DHX8: variants seen among roughly 807,000 people sequenced by gnomAD.
DHX8 encodes the protein ATP-dependent RNA helicase DHX8.
DHX8 carries 67 observed loss-of-function variants against 140.7 expected under a neutral mutation model. The observed-to-expected ratio is 0.48, with a 90% CI of 0.39 to 0.58. DHX8 has a LOEUF of 0.58. Ranked by LOEUF, DHX8 falls within the 20% of genes least tolerant of loss-of-function variation. DHX8 has a pLI of 0.00. For missense variants in DHX8, 887 were observed against 1,550.7 expected (o/e 0.57, Z 7.19); for synonymous variants, 533 against 553.2 (o/e 0.96, Z 0.51).
chr17:43,532,160 G>C (rs1161962214), intron 2 of DHX8, among the ~76,000 whole-genome samples: 2 of 152,180 alleles, frequency 1.3e-5, no homozygotes, highest in African/African-American at 4.8e-5. Context: ...CCATGCCCCG[G>C]GGGCCCCCCT....
chr17:43,511,315 CA>C (rs1234162347), intron 16 of DHX8, among the ~76,000 whole-genome samples: 2 of 151,928 alleles, frequency 1.3e-5, no homozygotes, highest in Non-Finnish European at 2.9e-5. Context: ...GGGCAATGAG[CA>C]AAACTATCTC....
At chr17:43,518,060 T>C (rs1385920250) in intron 18 of DHX8, 1 of 152,216 alleles carries the variant, frequency 6.6e-6, no homozygotes, top group Non-Finnish European at 1.5e-5. Flanking sequence ...ACTGCGACTT[T>C]GGGCAAGTTT....
At position 43,496,269 on chromosome 17, in the gene DHX8, G is replaced by T. The variant is rs1470273774; in HGVS notation, c.1300+1G>T. ...CTCCCTAAGGTGGATGATGAAGAAGGTAACTAGTCAGTTGGATCGAGAAGG... is the reference window on the plus strand; with the variant it reads ...CTCCCTAAGGTGGATGATGAAGAAGTTAACTAGTCAGTTGGATCGAGAAGG... On this transcript the variant is annotated splice_donor_variant, in intron 9 of 22. Transcript: ENST00000262415. LOFTEE classifies it high-confidence loss of function. 1 of 1,609,596 alleles carries T rather than the reference G, an allele frequency of 6.2e-7. No individual in the cohort carries two copies. Among genetic ancestry groups the T allele is most frequent in the Non-Finnish European group, 8.5e-7 (1 of 1,176,720 alleles).
rs571246855 is a variant in DHX8 at position 43,535,523 on chromosome 17, C to T, written c.351-889C>T. On this transcript the variant is annotated intron_variant, in intron 2 of 3. Transcript: ENST00000589898. ...AACTCCTGACCTCATGTGATCCACG[C>T]GCCTCAGCCTCCCAAAGTGCTGGGA... is the stretch of plus-strand genomic sequence containing the variant. Among the ~76,000 whole-genome samples the T allele has an allele frequency of 5.9e-5, 9 of 152,218 alleles. No homozygotes were observed. In the East Asian group the frequency reaches 9.7e-4, roughly 16 times the overall value.
In DHX8 at chr17:43,507,988, T is replaced by C; in HGVS notation, c.2289T>C (p.Thr763=). 6.2e-7 allele frequency: 1 copy of C among 1,614,212 alleles called. No individual in the cohort carries two copies. The highest frequency in any genetic ancestry group is 8.5e-7 in the Non-Finnish European group (1 of 1,180,032). Residue 763 remains threonine, a synonymous_variant, in exon 15 of 23, where the codon ACT becomes ACC. Coordinates refer to ENST00000262415, the MANE Select transcript of DHX8 (RefSeq NM_004941.3). ...ETDYLDASLI[T]VMQIHLTEPP... is the part of the protein sequence containing the mutation. ...ATTATCTGGATGCCAGCCTGATTACTGTTATGCAGATTCATTTAACAGAAC... is the reference window on the plus strand; with the variant it reads ...ATTATCTGGATGCCAGCCTGATTACCGTTATGCAGATTCATTTAACAGAAC...
intron 1 of DHX8, among the ~76,000 whole-genome samples, chr17:43,486,619 A>G (rs1968165255): frequency 6.6e-6 from 1 of 152,242 alleles, no homozygotes; most frequent in African/African-American, 2.4e-5. Flanking sequence ...AGTGGCTCAC[A>G]CATGTAATCC....
At chr17:43,506,180 A>AT (rs934958833) in intron 12 of DHX8, among the ~76,000 whole-genome samples, 2 of 151,746 alleles carry the variant, frequency 1.3e-5, no homozygotes, top group African/African-American at 4.8e-5. Flanking sequence ...AGTTTTTTGT[A>AT]TTTTTTGTAG....
At chr17:43,521,983 T>C in intron 21 of DHX8, 64 bp from the exon 22 acceptor site, 1 of 1,557,304 alleles carries the variant, frequency 6.4e-7, no homozygotes, top group Non-Finnish European at 8.8e-7. Context: ...TGTTGGGCAC[T>C]GTCATTGTGA....
chr17:43,526,816 C>A (rs1017008198), downstream of DHX8: 7 of 743,738 alleles, frequency 9.4e-6, no homozygotes, highest in East Asian at 2.5e-4. Flanking sequence ...TTGTTTCTTG[C>A]ACTAAATTAT....
In DHX8 at chr17:43,523,933, G is replaced by T. The variant is rs913068028; in HGVS notation, c.*86G>T. On this transcript the variant is annotated 3_prime_UTR_variant, in exon 23 of 23. Coordinates refer to ENST00000262415, the MANE Select transcript of DHX8 (RefSeq NM_004941.3). Reference sequence around the variant, plus strand: ...ACAGGCTGGTCCTGAGGATACAGCTGTCCCGTGACTGACTGTCTTAACTGA... The same window carrying T: ...ACAGGCTGGTCCTGAGGATACAGCTTTCCCGTGACTGACTGTCTTAACTGA... The T allele has an allele frequency of 2.0e-5, 31 of 1,562,136 alleles. No homozygotes were observed. In the African/African-American group the frequency reaches 3.1e-4, roughly 16 times the overall value.
At chr17:43,493,163 G>A in intron 6 of DHX8, 123 bp downstream of exon 6, 3 of 1,357,428 alleles carry the variant, frequency 2.2e-6, no homozygotes, top group East Asian at 2.3e-5. Context: ...GCCATACATG[G>A]TTCTTAGAAA....
Position 43,521,475 on chromosome 17 carries a change from C to G in DHX8, c.3173C>G (p.Ser1058Cys), listed in dbSNP as rs2154586900. Reference sequence around the variant, plus strand: ...AACTCCTGGAAGAACAACAAGTTCTCCAACCCATGGTGCTATGAGAACTTT... The same window carrying G: ...AACTCCTGGAAGAACAACAAGTTCTGCAACCCATGGTGCTATGAGAACTTT... ...VYNSWKNNKF[S>C]NPWCYENFIQ... Residue 1058 changes from serine (S) to cysteine (C), a missense_variant, in exon 21 of 23, where the codon TCC becomes TGC. Around this residue, in one of 9 missense-constraint regions of DHX8, gnomAD observed 101 missense variants for 168.2 expected, o/e 0.60. Transcript: ENST00000262415. The G allele has an allele frequency of 6.2e-7, 1 of 1,613,970 alleles. No individual in the cohort carries two copies. The highest frequency in any genetic ancestry group is 8.5e-7 in the Non-Finnish European group (1 of 1,180,002).
In DHX8 at chr17:43,520,834, C is replaced by A; in HGVS notation, c.3021C>A (p.Thr1007=). The change falls in exon 20 of 23, where the codon ACC becomes ACA. Residue 1007 remains threonine (T), a synonymous_variant. Coordinates refer to ENST00000262415, the MANE Select transcript of DHX8 (RefSeq NM_004941.3). ...VHLGCSEEML[T]IVSMLSVQNV... ...TGGGCTGCAGTGAGGAAATGCTGAC[C>A]ATTGTATCCATGCTGTCTGTGCAGA... 1 of 1,614,086 alleles carries A rather than the reference C, an allele frequency of 6.2e-7. No homozygotes were observed. Among genetic ancestry groups the A allele is most frequent in the Non-Finnish European group, 8.5e-7 (1 of 1,180,012 alleles).
At chr17:43,503,569 G>A (rs1329208927) in intron 11 of DHX8, among the ~76,000 whole-genome samples, 1 of 151,998 alleles carries the variant, frequency 6.6e-6, no homozygotes, top group East Asian at 1.9e-4. Context: ...GGAGGCTAAC[G>A]TGGGAGGATT....
intron 13 of DHX8, 149 bp from the exon 14 acceptor site, chr17:43,507,354 C>CT: frequency 9.3e-7 from 1 of 1,077,176 alleles, no homozygotes; most frequent in African/African-American, 1.6e-5. Context: ...AGAGTATAGT[C>CT]TAAGACATAC....
downstream of DHX8, chr17:43,529,485 G>A: frequency 1.3e-6 from 2 of 1,594,822 alleles, no homozygotes; most frequent in African/African-American, 1.3e-5. Context: ...GGAGGGCTGG[G>A]AACATCCGAG....
chr17:43,499,865 G>C (rs1285370131), intron 10 of DHX8, 91 bp from the exon 11 acceptor site: 1 of 1,376,126 alleles, frequency 7.3e-7, no homozygotes, highest in Non-Finnish European at 1.0e-6. Flanking sequence ...TATTCCAGAT[G>C]TAGTCTCATG....
chr17:43,526,097 AT>A (rs1352720830), downstream of DHX8: 2 of 985,196 alleles, frequency 2.0e-6, no homozygotes, highest in African/African-American at 3.5e-5. Context: ...CAGGAAAGCA[AT>A]GTCAGCAGCT....
Position 43,491,207 on chromosome 17 carries a change from A to T in DHX8, c.350A>T (p.Glu117Val). The change falls in exon 4 of 23, where the codon GAA (glutamate) becomes GTA (valine). Residue 117 changes from glutamate to valine, a missense_variant. By Grantham distance (121) the Glu-to-Val change is moderately radical (BLOSUM62 -2). Coordinates refer to ENST00000262415, the MANE Select transcript of DHX8 (RefSeq NM_004941.3). ...AAAACAGAAAAAGAAAAGCTGAAGG[A>T]ACTCTTCCCAGTCCTTTGCCAACCG... ...KPKTEKEKLKELFPVLCQPDN... is the reference protein window; with the variant it reads ...KPKTEKEKLKVLFPVLCQPDN... The T allele has an allele frequency of 6.5e-7, 1 of 1,542,718 alleles. No homozygotes were observed. The highest frequency in any genetic ancestry group is 8.7e-7 in the Non-Finnish European group (1 of 1,144,876).
Sources: gnomAD v4.1 joint callset for allele counts (sites outside exome capture counted in the v4.1 genomes callset) on GRCh38, gnomAD v4.1.1 for gene constraint, gnomAD v4.1.1 regional missense constraint, MANE v1.5 for transcripts, NCBI Gene and HGNC (gene_info 2026-07-23, HGNC 2026-07-21) for gene names.